GNG5: variants seen among roughly 807,000 people sequenced by gnomAD.
The protein encoded by GNG5 is guanine nucleotide-binding protein G(I)/G(S)/G(O) subunit gamma-5.
A neutral mutation model predicts 6.2 loss-of-function variants in GNG5; 2 were observed. That is an observed-to-expected ratio of 0.32 (90% CI 0.13 to 1.01). GNG5 has a LOEUF of 1.01. Among genes scored for constraint, GNG5 ranks in the 50% least tolerant of loss-of-function variants. The pLI, the probability that GNG5 is intolerant of heterozygous loss-of-function variation, is 0.48. For synonymous variants in GNG5, 24 were observed against 33.0 expected (o/e 0.73, Z 0.93); for missense variants, 57 against 80.2 (o/e 0.71, Z 1.10).
chr1:84,502,793 C>G (rs1682083929), intron 2 of GNG5, among the ~76,000 whole-genome samples: 1 of 152,180 alleles, frequency 6.6e-6, no homozygotes, highest in Non-Finnish European at 1.5e-5. Context: ...ATTCAGTATA[C>G]TGATCCTCAA....
chr1:84,502,675 A>T lies in GNG5; in HGVS notation c.82-705T>A, dbSNP rs537901816. Among the ~76,000 whole-genome samples, 2 of 152,200 alleles carry T rather than the reference A, an allele frequency of 1.3e-5. 1 individual carries two copies. The highest frequency in any genetic ancestry group is 3.9e-4 in the East Asian group (2 of 5,192). On this transcript the variant is annotated intron_variant, in intron 2 of 3. Transcript: ENST00000370645. ...AAACAAAAAGCAATAACATTCTAGC[A>T]AACTATTACTTTGTCTTGAAAGCAG...
At position 84,506,000 on chromosome 1, in the gene GNG5, C is replaced by A. The variant is rs768507377; in HGVS notation, c.81+11G>T. 28 of 1,510,822 alleles carry A rather than the reference C, an allele frequency of 1.9e-5. No homozygotes were observed. The highest frequency in any genetic ancestry group is 2.2e-5 in the Non-Finnish European group (25 of 1,130,536). 93.6% of individuals were successfully genotyped at this position (1,510,822 alleles called of 1,614,324 possible). ...GCCTTCCTCCCGCCTCGGCCGCCCG[C>A]CCCCGCTCACTTTTACGCGGTTGAG... is the stretch of plus-strand genomic sequence containing the variant. On this transcript the variant is annotated intron_variant, in intron 2 of 3. Coordinates refer to ENST00000370645, the MANE Select transcript of GNG5 (RefSeq NM_005274.3).
rs1196318338 is a variant in GNG5 at position 84,506,516 on chromosome 1, C to G, written c.-291G>C. Reference sequence around the variant, plus strand: ...AGCTTGTGGGAGTTTCTAAAAGGCCCGGCGGCGGGTGACCAGGAGGTCTCA... The same window carrying G: ...AGCTTGTGGGAGTTTCTAAAAGGCCGGGCGGCGGGTGACCAGGAGGTCTCA... On this transcript the variant is annotated 5_prime_UTR_variant, in exon 1 of 4. Transcript: ENST00000370645. The G allele has an allele frequency of 6.5e-6, 1 of 155,018 alleles. No homozygotes were observed. The highest frequency in any genetic ancestry group is 1.4e-5 in the Non-Finnish European group (1 of 69,802). The allele number at this position is 155,018 out of a possible 1,614,324, so 9.6% of individuals were successfully genotyped here.
intron 2 of GNG5, 22 bp from the exon 3 acceptor site, chr1:84,501,992 G>T (rs1158581563): frequency 1.3e-6 from 2 of 1,597,238 alleles, no homozygotes; most frequent in African/African-American, 1.3e-5. Flanking sequence ...AAAGAGGGGG[G>T]GAAGTGCCAG....
In GNG5 at chr1:84,502,631, A is replaced by G. The variant is rs1682081994; in HGVS notation, c.82-661T>C. Among the ~76,000 whole-genome samples the G allele has an allele frequency of 1.3e-5, 2 of 152,210 alleles. 1 individual carries two copies. Among genetic ancestry groups the G allele is most frequent in the Non-Finnish European group, 2.9e-5 (2 of 68,032 alleles). Reference sequence around the variant, plus strand: ...CAAACCTGAGGGTACTTAACATCTTATTAAAAACATTAAGGGTTAAACAAA... The same window carrying G: ...CAAACCTGAGGGTACTTAACATCTTGTTAAAAACATTAAGGGTTAAACAAA... On this transcript the variant is annotated intron_variant, in intron 2 of 3. Coordinates refer to ENST00000370645, the MANE Select transcript of GNG5 (RefSeq NM_005274.3).
intron 2 of GNG5, among the ~76,000 whole-genome samples, chr1:84,502,986 AT>A (rs1682087697): frequency 6.6e-6 from 1 of 152,242 alleles, no homozygotes; most frequent in South Asian, 2.1e-4. Flanking sequence ...GTATATGTAT[AT>A]TAACACTTAA....
At chr1:84,502,566 C>T (rs1558552495) in intron 2 of GNG5, among the ~76,000 whole-genome samples, 1 of 152,092 alleles carries the variant, frequency 6.6e-6, no homozygotes, top group East Asian at 1.9e-4. Flanking sequence ...TTTTGCAAAG[C>T]GTAGCACATC....
At chr1:84,501,106 T>C (rs1682048641) in intron 3 of GNG5, among the ~76,000 whole-genome samples, 1 of 152,218 alleles carries the variant, frequency 6.6e-6, no homozygotes, top group African/African-American at 2.4e-5. Context: ...AAGGCACAAA[T>C]TAATGTACTG....
intron 2 of GNG5, among the ~76,000 whole-genome samples, chr1:84,505,740 G>A (rs535657246): frequency 8.5e-4 from 129 of 152,342 alleles, no homozygotes; most frequent in Middle Eastern, 3.4e-3. Flanking sequence ...GAGGAGGACC[G>A]GAATGTCGGC....
At chr1:84,500,279 T>A (rs1682029846) in intron 3 of GNG5, among the ~76,000 whole-genome samples, 1 of 152,216 alleles carries the variant, frequency 6.6e-6, no homozygotes, top group African/African-American at 2.4e-5. Context: ...GATGCCCAAT[T>A]ATTATTCTCC....
intron 2 of GNG5, chr1:84,503,908 A>G (rs1357155611): frequency 2.0e-5 from 3 of 152,232 alleles, no homozygotes; most frequent in Non-Finnish European, 4.4e-5. Context: ...TCTCAATGAC[A>G]AGAGATCCAG....
In GNG5 at chr1:84,498,445, G is replaced by GTT. The variant is rs1435850157; in HGVS notation, c.*121_*122dup. 7 of 152,788 alleles carry GTT rather than the reference G, an allele frequency of 4.6e-5. No individual in the cohort carries two copies. The highest frequency in any genetic ancestry group is 1.7e-4 in the African/African-American group (7 of 41,506). 9.5% of individuals were successfully genotyped at this position (152,788 alleles called of 1,614,324 possible). A position where few individuals can be genotyped will look rare whatever the true frequency, so the allele number is the denominator to read the frequency against. ...ATGTTAAGGACTGACGAAAGTAGAAGTTTGTATATTATGGCACATGTGTTA... is the reference window on the plus strand; with the variant it reads ...ATGTTAAGGACTGACGAAAGTAGAAGTTTTTGTATATTATGGCACATGTGTTA... On this transcript the variant is annotated 3_prime_UTR_variant, in exon 4 of 4. Coordinates refer to ENST00000370645, the MANE Select transcript of GNG5 (RefSeq NM_005274.3).
intron 2 of GNG5, among the ~76,000 whole-genome samples, chr1:84,504,122 T>TA (rs1162472592): frequency 6.6e-6 from 1 of 152,214 alleles, no homozygotes; most frequent in Non-Finnish European, 1.5e-5. Flanking sequence ...GTCAAGCACT[T>TA]ATGGTAAGTT....
chr1:84,503,816 C>G (rs1254302938), intron 2 of GNG5: 1 of 152,164 alleles, frequency 6.6e-6, no homozygotes, highest in Non-Finnish European at 1.5e-5. Flanking sequence ...ACAAGGTGCT[C>G]TGTAGTAAAA....
chr1:84,500,897 A>G (rs1682044839), intron 3 of GNG5, among the ~76,000 whole-genome samples: 1 of 152,206 alleles, frequency 6.6e-6, no homozygotes, highest in Non-Finnish European at 1.5e-5. Flanking sequence ...TGTGTGCCAT[A>G]TACAAAATCT....
intron 3 of GNG5, among the ~76,000 whole-genome samples, chr1:84,499,568 C>T (rs61768863): frequency 4.6e-5 from 7 of 152,056 alleles, no homozygotes; most frequent in African/African-American, 1.7e-4. Flanking sequence ...AAGTATAATT[C>T]CATCATAGTT....
chr1:84,504,506 A>T (rs1445621258), intron 2 of GNG5, among the ~76,000 whole-genome samples: 1 of 152,198 alleles, frequency 6.6e-6, no homozygotes, highest in Non-Finnish European at 1.5e-5. Context: ...TTTTCTTTGG[A>T]GACTAAAGAT....
At chr1:84,500,185 G>C (rs1682027765) in intron 3 of GNG5, among the ~76,000 whole-genome samples, 1 of 152,188 alleles carries the variant, frequency 6.6e-6, no homozygotes, top group Non-Finnish European at 1.5e-5. Context: ...GCAAGTTCTA[G>C]GGACTCACCT....
At position 84,506,101 on chromosome 1, in the gene GNG5, G is replaced by A. The variant is rs1328095209; in HGVS notation, c.-10C>T. On this transcript the variant is annotated 5_prime_UTR_variant, in exon 2 of 4. Transcript: ENST00000370645. Reference sequence around the variant, plus strand: ...TGGAGGAGCCAGACATGGTGCACGCGACGGCCGGGCCGATTCGTGGGTCGG... The same window carrying A: ...TGGAGGAGCCAGACATGGTGCACGCAACGGCCGGGCCGATTCGTGGGTCGG... 2 of 1,571,344 alleles carry A rather than the reference G, an allele frequency of 1.3e-6. No individual in the cohort carries two copies. Among genetic ancestry groups the A allele is most frequent in the Non-Finnish European group, 1.7e-6 (2 of 1,160,236 alleles).
Sources: allele counts gnomAD v4.1 joint callset (sites outside exome capture counted in the v4.1 genomes callset), GRCh38; gene constraint gnomAD v4.1.1; transcripts MANE v1.5; gene names NCBI Gene and HGNC (gene_info 2026-07-23, HGNC 2026-07-21).